CNIH3: variants seen among roughly 807,000 people sequenced by gnomAD.
The protein encoded by CNIH3 is cornichon family AMPA receptor auxiliary protein 3, also known as protein cornichon homolog 3.
Under a neutral mutation model 24.1 loss-of-function variants are expected in CNIH3, and 14 were observed. That is an observed-to-expected ratio of 0.58 (90% CI 0.38 to 0.91). The LOEUF (loss-of-function observed/expected upper bound fraction) is 0.91. CNIH3 is among the 40% of genes least tolerant of loss of function. CNIH3 has a pLI of 0.00. For missense variants in CNIH3, 178 were observed against 196.8 expected, an observed-to-expected ratio of 0.90 and a Z score of 0.57; for synonymous variants, 68 against 73.8, an observed-to-expected ratio of 0.92 and a Z score of 0.40.
At chr1:224,561,199 A>G (rs977683046) in intron 3 of CNIH3, among the ~76,000 whole-genome samples, 1 of 152,214 alleles carries the variant, frequency 6.6e-6, no homozygotes, top group Non-Finnish European at 1.5e-5. Flanking sequence ...TCTTCTACTT[A>G]TCAAAACAGA....
intron 1 of CNIH3, among the ~76,000 whole-genome samples, chr1:224,675,778 A>G (rs1437522164): frequency 6.6e-6 from 1 of 152,216 alleles, no homozygotes; most frequent in African/African-American, 2.4e-5. Flanking sequence ...TGATAACTCG[A>G]CACACCTACT....
chr1:224,618,420 A>G (rs139071436), intron 1 of CNIH3, among the ~76,000 whole-genome samples: 1 of 152,206 alleles, frequency 6.6e-6, no homozygotes, highest in African/African-American at 2.4e-5. Context: ...TACAGTGGGG[A>G]TGACCCAAAA....
chr1:224,727,345 C>G (rs1244816231), intron 3 of CNIH3, among the ~76,000 whole-genome samples: 1 of 152,220 alleles, frequency 6.6e-6, no homozygotes. Context: ...CTTTACTGCT[C>G]ACACTCTAGT....
At chr1:224,675,693 G>A (rs1188053771) in intron 1 of CNIH3, among the ~76,000 whole-genome samples, 1 of 152,154 alleles carries the variant, frequency 6.6e-6, no homozygotes, top group Non-Finnish European at 1.5e-5. Context: ...CAAAAAAGAT[G>A]TACAGATGAC....
rs956697939 is a variant in CNIH3 at position 224,703,572 on chromosome 1, G to A, written c.198+18729G>A. ...ATGGTTAGGGCGCTGAGTTTCATCA[G>A]CCTGGCTGTGCTGATGGGGAGCTAC... On this transcript the variant is annotated intron_variant, in intron 3 of 5. Transcript: ENST00000272133. The surrounding 1 kb of genome is among the most constrained non-coding windows in gnomAD (Gnocchi z 4.2). Among the ~76,000 whole-genome samples, 5 of 152,084 alleles carry A rather than the reference G, an allele frequency of 3.3e-5. No homozygotes were observed. Among genetic ancestry groups the A allele is most frequent in the African/African-American group, 1.2e-4 (5 of 41,410 alleles).
chr1:224,706,739 AAGTGGTAGAGTT>A (rs1193587537), intron 3 of CNIH3, among the ~76,000 whole-genome samples: 1 of 152,118 alleles, frequency 6.6e-6, no homozygotes, highest in Non-Finnish European at 1.5e-5. Flanking sequence ...CAATGCCACA[AAGTGGTAGAGTT>A]AGTCAGGACT....
intron 3 of CNIH3, among the ~76,000 whole-genome samples, chr1:224,555,845 G>C (rs1680114820): frequency 1.3e-5 from 2 of 152,224 alleles, no homozygotes; most frequent in Admixed American, 1.3e-4. Flanking sequence ...TGCGGCTGTG[G>C]GACCTAATGA....
intron 3 of CNIH3, among the ~76,000 whole-genome samples, chr1:224,601,616 C>T (rs1682213577): frequency 1.3e-5 from 2 of 152,116 alleles, no homozygotes; most frequent in Admixed American, 6.5e-5. Context: ...GTCATGTCTG[C>T]CTGACTACCT....
intron 2 of CNIH3, chr1:224,529,261 T>C (rs543185602): frequency 6.6e-6 from 1 of 152,376 alleles, no homozygotes; most frequent in Admixed American, 6.5e-5. Flanking sequence ...AGACACAGTT[T>C]CTACTTTGAT....
At chr1:224,454,383 A>G in intron 1 of CNIH3, 1 of 882,258 alleles carries the variant, frequency 1.1e-6, no homozygotes, top group Non-Finnish European at 1.4e-6. Context: ...TGTTGAACAT[A>G]ATTGAAATGT....
At chr1:224,566,666 G>T (rs1680595049) in intron 4 of CNIH3, among the ~76,000 whole-genome samples, 1 of 152,088 alleles carries the variant, frequency 6.6e-6, no homozygotes, top group African/African-American at 2.4e-5. Flanking sequence ...ATGGTTTCCA[G>T]CTTCATCCAT....
In CNIH3 at chr1:224,576,878, G is replaced by T. The variant is rs543889246; in HGVS notation, n.517-6286G>T. ...GTACTGGCATAAAAGTGGGTGTGTA[G>T]ACCTATGGAACAGAAAAGAGAACCC... On this transcript the variant is annotated intron_variant and non_coding_transcript_variant, in intron 4 of 5. Transcript: ENST00000471578. Among the ~76,000 whole-genome samples, 8 of 152,244 alleles carry T rather than the reference G, an allele frequency of 5.3e-5. No homozygotes were observed. In the East Asian group the frequency reaches 1.5e-3, roughly 29 times the overall value.
intron 1 of CNIH3, among the ~76,000 whole-genome samples, chr1:224,503,816 T>A (rs1677787065): frequency 6.6e-6 from 1 of 152,150 alleles, no homozygotes; most frequent in Non-Finnish European, 1.5e-5. Context: ...TACTGTGGAA[T>A]AACAGGCCCA....
At chr1:224,676,916 T>G (rs1177123689) in intron 1 of CNIH3, among the ~76,000 whole-genome samples, 1 of 152,208 alleles carries the variant, frequency 6.6e-6, no homozygotes, top group African/African-American at 2.4e-5. Flanking sequence ...AGCTTTGCTT[T>G]GTTTCCATGG....
intron 3 of CNIH3, among the ~76,000 whole-genome samples, chr1:224,552,335 A>G (rs1480676225): frequency 6.6e-6 from 1 of 151,670 alleles, no homozygotes; most frequent in Non-Finnish European, 1.5e-5. Flanking sequence ...TCCCTTATAT[A>G]TTAATCCTAA....
At chr1:224,611,593 C>T (rs946109826), upstream of CNIH3, 3 of 152,148 alleles carry the variant, frequency 2.0e-5, no homozygotes, top group African/African-American at 7.2e-5. Flanking sequence ...GGCATCAGGT[C>T]TGCATTTCAG....
intron 3 of CNIH3, among the ~76,000 whole-genome samples, chr1:224,698,212 T>A (rs889413079): frequency 6.6e-6 from 1 of 152,190 alleles, no homozygotes; most frequent in East Asian, 1.9e-4. Context: ...CTGAATAAGT[T>A]AAATGTGCTA....
intron 4 of CNIH3, among the ~76,000 whole-genome samples, chr1:224,569,949 A>G (rs1411327095): frequency 2.0e-5 from 3 of 151,846 alleles, no homozygotes; most frequent in African/African-American, 7.3e-5. Flanking sequence ...ATGCTGGGCT[A>G]ATTTTTGTAG....
At chr1:224,520,309 T>C (rs1440836038) in intron 1 of CNIH3, among the ~76,000 whole-genome samples, 1 of 152,220 alleles carries the variant, frequency 6.6e-6, no homozygotes, top group Admixed American at 6.5e-5. Flanking sequence ...TAGAAAGATG[T>C]TGAAATTCTG....
Sources: allele counts gnomAD v4.1 joint callset (sites outside exome capture counted in the v4.1 genomes callset), GRCh38; gene constraint gnomAD v4.1.1; non-coding constraint Gnocchi (gnomAD v3.1); transcripts MANE v1.5; gene names NCBI Gene and HGNC (gene_info 2026-07-23, HGNC 2026-07-21).